RASA1: variants seen among roughly 807,000 people sequenced by gnomAD.
RASA1 encodes the protein RAS p21 protein activator 1.
RASA1 carries 25 observed loss-of-function variants against 132.2 expected under a neutral mutation model. That is an observed-to-expected ratio of 0.19 (90% CI 0.14 to 0.26). The LOEUF (loss-of-function observed/expected upper bound fraction) is 0.26. Ranked by LOEUF, RASA1 falls within the 10% of genes least tolerant of loss-of-function variation. RASA1 has a pLI of 1.00. For missense variants in RASA1, 964 were observed against 1,299.2 expected, an observed-to-expected ratio of 0.74 and a Z score of 3.97; for synonymous variants, 477 against 449.9, an observed-to-expected ratio of 1.06 and a Z score of -0.76.
At chr5:87,280,538 C>T (rs553917960) in intron 1 of RASA1, among the ~76,000 whole-genome samples, 9 of 151,826 alleles carry the variant, frequency 5.9e-5, no homozygotes, top group East Asian at 5.9e-4. Flanking sequence ...GTCCTGAACT[C>T]CTGACCTCAA....
At chr5:87,275,846 G>A (rs1372100626) in intron 1 of RASA1, among the ~76,000 whole-genome samples, 2 of 152,154 alleles carry the variant, frequency 1.3e-5, no homozygotes, top group East Asian at 3.8e-4. Flanking sequence ...GCGATTACAG[G>A]CATGAGCCAC....
chr5:87,269,028 G>C, intron 1 of RASA1, 38 bp downstream of exon 1: 1 of 1,614,234 alleles, frequency 6.2e-7, no homozygotes, highest in Non-Finnish European at 8.5e-7. Context: ...TGGGAAGCTG[G>C]CTCCAGAAAA....
chr5:87,301,197 CTAA>C (rs1755345250), intron 1 of RASA1, among the ~76,000 whole-genome samples: 1 of 151,868 alleles, frequency 6.6e-6, no homozygotes, highest in Non-Finnish European at 1.5e-5. Context: ...TTTTGACTGT[CTAA>C]TGTTTTATTT....
intron 1 of RASA1, among the ~76,000 whole-genome samples, chr5:87,306,354 A>ATT (rs1755610477): frequency 1.3e-5 from 2 of 152,186 alleles, no homozygotes; most frequent in Non-Finnish European, 2.9e-5. Context: ...ATCCTCAGCA[A>ATT]ACTAATGCAG....
chr5:87,342,587 G>A (rs190964169), intron 6 of RASA1, among the ~76,000 whole-genome samples: 5 of 152,132 alleles, frequency 3.3e-5, no homozygotes, highest in African/African-American at 9.6e-5. Flanking sequence ...ATTTTCCCTC[G>A]TTGCTAGAGA....
chr5:87,387,675 A>C (rs1342676169), intron 23 of RASA1, among the ~76,000 whole-genome samples: 4 of 152,168 alleles, frequency 2.6e-5, no homozygotes, highest in African/African-American at 9.7e-5. Context: ...ATTCAGTTAA[A>C]AAGACCACCA....
intron 9 of RASA1, 150 bp from the exon 10 acceptor site, chr5:87,362,401 T>A: frequency 1.3e-6 from 1 of 747,554 alleles, no homozygotes; most frequent in Non-Finnish European, 2.1e-6. Flanking sequence ...TTCTGAGAAT[T>A]TCTTTGGAAA....
chr5:87,348,403 G>A (rs1246938988), intron 7 of RASA1, among the ~76,000 whole-genome samples: 2 of 151,940 alleles, frequency 1.3e-5, no homozygotes, highest in African/African-American at 4.8e-5. Context: ...AAAAGGCAGA[G>A]CATCTATGTA....
At chr5:87,292,855 T>C (rs375103821) in intron 1 of RASA1, among the ~76,000 whole-genome samples, 3 of 152,294 alleles carry the variant, frequency 2.0e-5, no homozygotes. Flanking sequence ...ATAGATCCTG[T>C]ACATATTTTG....
intron 6 of RASA1, 57 bp from the exon 7 acceptor site, chr5:87,346,615 C>T: frequency 5.4e-6 from 6 of 1,105,600 alleles, no homozygotes; most frequent in Non-Finnish European, 8.0e-6. Context: ...TAATTTTGAT[C>T]ATATGATAAC....
At chr5:87,359,443 G>A (rs1181578234) in intron 9 of RASA1, among the ~76,000 whole-genome samples, 1 of 152,148 alleles carries the variant, frequency 6.6e-6, no homozygotes, top group Non-Finnish European at 1.5e-5. Flanking sequence ...ATCTTCTAGT[G>A]TATTGGAATC....
rs944201169 is a variant in RASA1 at position 87,378,279 on chromosome 5, A to G, written c.2345-117A>G. Reference sequence around the variant, plus strand: ...AATTAGTACTTTCAACGCTGCACGCAAAAAGCACATTTAAGTGGCTATTCC... The same window carrying G: ...AATTAGTACTTTCAACGCTGCACGCGAAAAGCACATTTAAGTGGCTATTCC... On this transcript the variant is annotated intron_variant, in intron 17 of 24. Coordinates refer to ENST00000274376, the MANE Select transcript of RASA1 (RefSeq NM_002890.3). 25 of 1,235,526 alleles carry G rather than the reference A, an allele frequency of 2.0e-5. No homozygotes were observed. In the Admixed American group the frequency reaches 4.3e-4, roughly 21 times the overall value. 76.5% of individuals were successfully genotyped at this position (1,235,526 alleles called of 1,614,324 possible).
chr5:87,352,574 T>G (rs532793243), intron 8 of RASA1, among the ~76,000 whole-genome samples: 1 of 151,954 alleles, frequency 6.6e-6, no homozygotes, highest in Non-Finnish European at 1.5e-5. Context: ...ATTTTCCCAA[T>G]ATTTCCCAAT....
rs374482244 is a variant in RASA1 at position 87,374,805 on chromosome 5, C to T, written c.1935-35C>T. On this transcript the variant is annotated intron_variant, in intron 14 of 24. Coordinates refer to ENST00000274376, the MANE Select transcript of RASA1 (RefSeq NM_002890.3). ...GAAATAAGGTAGTTTGATGCCAAAA[C>T]ATTTTGTTAATTCTTTTTCTCCTTG... 12 of 1,600,842 alleles carry T rather than the reference C, an allele frequency of 7.5e-6. No homozygotes were observed. In the African/African-American group the frequency reaches 1.5e-4, roughly 20 times the overall value.
chr5:87,350,173 C>CA (rs1759156528), intron 8 of RASA1, among the ~76,000 whole-genome samples: 1 of 151,742 alleles, frequency 6.6e-6, no homozygotes, highest in Non-Finnish European at 1.5e-5. Context: ...AACCAAAAAA[C>CA]AAAAACAAGT....
chr5:87,379,270 G>C (rs1761538569), intron 18 of RASA1, among the ~76,000 whole-genome samples: 3 of 152,150 alleles, frequency 2.0e-5, no homozygotes, highest in Non-Finnish European at 4.4e-5. Context: ...TGACACAGAA[G>C]TGCAGCAGGT....
At chr5:87,388,705 G>A (rs769529486) in intron 23 of RASA1, among the ~76,000 whole-genome samples, 7 of 152,182 alleles carry the variant, frequency 4.6e-5, no homozygotes, top group Non-Finnish European at 1.0e-4. Flanking sequence ...ATAGTCCACA[G>A]ATAATTGCAA....
chr5:87,352,796 ATTC>A (rs543939094), intron 8 of RASA1, among the ~76,000 whole-genome samples: 6 of 151,716 alleles, frequency 4.0e-5, no homozygotes, highest in Non-Finnish European at 8.8e-5. Flanking sequence ...GTTTCTGTGA[ATTC>A]TTCATTCTTA....
At chr5:87,339,629 AAAT>A (rs1458722848) in intron 5 of RASA1, among the ~76,000 whole-genome samples, 2 of 152,140 alleles carry the variant, frequency 1.3e-5, no homozygotes, top group Non-Finnish European at 2.9e-5. Context: ...GTATACAGAA[AAAT>A]AATAATAACA....
Sources: allele counts gnomAD v4.1 joint callset (sites outside exome capture counted in the v4.1 genomes callset), GRCh38; gene constraint gnomAD v4.1.1; transcripts MANE v1.5; gene names NCBI Gene and HGNC (gene_info 2026-07-23, HGNC 2026-07-21).